MDN1: variants seen among roughly 807,000 people sequenced by gnomAD.
MDN1 encodes the protein midasin.
Under a neutral mutation model 669.2 loss-of-function variants are expected in MDN1, and 266 were observed. The ratio of observed to expected loss-of-function variants is 0.40; its 90% CI spans 0.36 to 0.44. The LOEUF (loss-of-function observed/expected upper bound fraction) is 0.44. Ranked by LOEUF, MDN1 falls within the 20% of genes least tolerant of loss-of-function variation. The pLI, the probability that MDN1 is intolerant of heterozygous loss-of-function variation, is 1.00. For synonymous variants in MDN1, 2,385 were observed against 2,457.1 expected (o/e 0.97, Z 0.87); for missense variants, 5,940 against 6,754.0 (o/e 0.88, Z 4.22).
rs754384962 is a variant in MDN1 at position 89,674,573 on chromosome 6, C to T, written c.12778G>A (p.Val4260Met). The T allele has an allele frequency of 9.5e-6, 15 of 1,578,750 alleles. No homozygotes were observed. Among genetic ancestry groups the T allele is most frequent in the African/African-American group, 2.7e-5 (2 of 74,404 alleles). Residue 4260 changes from valine (V) to methionine (M), a missense_variant, in exon 79 of 102, where the codon GTG becomes ATG. Transcript: ENST00000369393. ...WIILRNLLSCVQEIHSRLMGP... is the reference protein window; with the variant it reads ...WIILRNLLSCMQEIHSRLMGP... ...ATCAGCCTGCTGTGAATCTCTTGCACACAGCTGAGGAGGTTCCTGTACAGA... is the reference window on the plus strand; with the variant it reads ...ATCAGCCTGCTGTGAATCTCTTGCATACAGCTGAGGAGGTTCCTGTACAGA...
intron 53 of MDN1, among the ~76,000 whole-genome samples, chr6:89,705,562 A>G (rs1326216851): frequency 6.6e-6 from 1 of 152,228 alleles, no homozygotes; most frequent in Non-Finnish European, 1.5e-5. Context: ...ACTCAGCAAT[A>G]AAGAGGAATG....
At chr6:89,670,619 A>G (rs565665786) in intron 83 of MDN1, among the ~76,000 whole-genome samples, 265 of 152,240 alleles carry the variant, frequency 1.7e-3, no homozygotes, top group African/African-American at 5.9e-3. Context: ...GGGGATGGGA[A>G]GGGAAGGGTG....
Position 89,745,480 on chromosome 6 carries a change from T to C in MDN1, c.4039+12A>G, listed in dbSNP as rs367774412. 1.9e-5 allele frequency: 31 copies of C among 1,613,984 alleles called. No homozygotes were observed. Among genetic ancestry groups the C allele is most frequent in the Middle Eastern group, 1.6e-4 (1 of 6,084 alleles). Reference sequence around the variant, plus strand: ...TCAAATCATATTCCTCTAGGGATTTTGGCCTACTCACCCAGCAATTTTAGA... The same window carrying C: ...TCAAATCATATTCCTCTAGGGATTTCGGCCTACTCACCCAGCAATTTTAGA... On this transcript the variant is annotated intron_variant, in intron 28 of 101. Transcript: ENST00000369393.
At chr6:89,783,447 T>C (rs1818788683) in intron 9 of MDN1, among the ~76,000 whole-genome samples, 1 of 152,180 alleles carries the variant, frequency 6.6e-6, no homozygotes, top group Admixed American at 6.5e-5. Flanking sequence ...AAGATGTTTA[T>C]CAAGACAATA....
intron 97 of MDN1, 79 bp downstream of exon 97, chr6:89,649,945 T>G: frequency 6.9e-7 from 1 of 1,445,014 alleles, no homozygotes. Flanking sequence ...CATATCATAT[T>G]TAAAGCATTT....
chr6:89,760,259 G>T (rs1031921268), intron 17 of MDN1, among the ~76,000 whole-genome samples: 3 of 152,058 alleles, frequency 2.0e-5, no homozygotes, highest in Non-Finnish European at 4.4e-5. Flanking sequence ...TAACCAAGTT[G>T]ATCCTTCCTA....
In MDN1 at chr6:89,745,444, A is replaced by C. The variant is rs372305483; in HGVS notation, c.4040-33T>G. 16 of 1,613,912 alleles carry C rather than the reference A, an allele frequency of 9.9e-6. No individual in the cohort carries two copies. In the African/African-American group the frequency reaches 2.0e-4, roughly 20 times the overall value. The stretch of plus-strand genomic sequence containing the variant: ...AGGAAAAATAAATATTTAGATTCTA[A>C]TGAGTACAACTCAAATCATATTCCT... On this transcript the variant is annotated intron_variant, in intron 28 of 101. Coordinates refer to ENST00000369393, the MANE Select transcript of MDN1 (RefSeq NM_014611.3).
intron 14 of MDN1, 72 bp downstream of exon 14, chr6:89,772,501 T>A (rs147073865): frequency 6.5e-7 from 1 of 1,548,190 alleles, no homozygotes; most frequent in East Asian, 2.3e-5. Context: ...TTGGATTTAG[T>A]ATTTTTAAAA....
chr6:89,794,545 T>C lies in MDN1; in HGVS notation c.554+32A>G, dbSNP rs543262961. ...CACATGCCCTGTACCATCCCCACAC[T>C]AGAAGTGCAAAAAAGTCTAACAGCT... is the stretch of plus-strand genomic sequence containing the variant. On this transcript the variant is annotated intron_variant, in intron 3 of 101. Transcript: ENST00000369393. 109 of 1,594,738 alleles carry C rather than the reference T, an allele frequency of 6.8e-5. 2 individuals carry two copies. In the South Asian group the frequency reaches 1.1e-3, roughly 16 times the overall value.
chr6:89,648,813 CAA>C (rs61330666), intron 97 of MDN1, among the ~76,000 whole-genome samples: 7 of 122,110 alleles, frequency 5.7e-5, no homozygotes, highest in Non-Finnish European at 6.7e-5. Flanking sequence ...ACCCTGTCTT[CAA>C]AAAAAAAAAA....
intron 32 of MDN1, 120 bp downstream of exon 32, chr6:89,740,107 TTTTACAC>T: frequency 9.3e-7 from 1 of 1,075,954 alleles, no homozygotes; most frequent in Non-Finnish European, 1.3e-6. Context: ...ATTTTTGAGT[TTTTACAC>T]TTTTTACCCA....
chr6:89,783,287 G>A (rs1377965060), intron 9 of MDN1, among the ~76,000 whole-genome samples: 1 of 152,058 alleles, frequency 6.6e-6, no homozygotes, highest in Non-Finnish European at 1.5e-5. Context: ...CGGGGGGGAG[G>A]TCTATAAATG....
Position 89,692,759 on chromosome 6 carries a change from C to T in MDN1, c.10271G>A (p.Ser3424Asn), listed in dbSNP as rs929643154. 2 of 1,613,978 alleles carry T rather than the reference C, an allele frequency of 1.2e-6. No homozygotes were observed. The highest frequency in any genetic ancestry group is 1.7e-6 in the Non-Finnish European group (2 of 1,179,890). Residue 3424 changes from serine to asparagine, a missense_variant, in exon 63 of 102, where the codon AGC becomes AAC. Physicochemically the swap from Ser to Asn is conservative, Grantham distance 46 (BLOSUM62 1). Coordinates refer to ENST00000369393, the MANE Select transcript of MDN1 (RefSeq NM_014611.3). ...VASELHTSLH[S>N]SMVGADRLGT... ...CAGCCTGTCTGCACCAACCATACTG[C>T]TGTGGAGTGAGGTGTGGAGCTCAGA...
In MDN1 at chr6:89,747,748, G is replaced by A. The variant is rs1032898402; in HGVS notation, c.3763-278C>T. 1.9e-4 allele frequency among the ~76,000 whole-genome samples: 28 copies of A among 149,668 alleles called. No individual in the cohort carries two copies. In the South Asian group the frequency reaches 4.9e-3, roughly 26 times the overall value. Reference sequence around the variant, plus strand: ...CTACTAAAAATACAAAAAATTAGCCGGGCGTGGTGGCGGGTGCCTGTAGTC... The same window carrying A: ...CTACTAAAAATACAAAAAATTAGCCAGGCGTGGTGGCGGGTGCCTGTAGTC... On this transcript the variant is annotated intron_variant, in intron 26 of 101. Coordinates refer to ENST00000369393, the MANE Select transcript of MDN1 (RefSeq NM_014611.3).
intron 30 of MDN1, 99 bp from the exon 31 acceptor site, chr6:89,743,379 G>A (rs1437836736): frequency 6.7e-7 from 1 of 1,484,248 alleles, no homozygotes; most frequent in East Asian, 2.3e-5. Flanking sequence ...TAGGCATTCT[G>A]AGGAAAGTAA....
intron 31 of MDN1, among the ~76,000 whole-genome samples, chr6:89,741,839 G>A (rs1015479674): frequency 2.0e-5 from 3 of 151,908 alleles, no homozygotes; most frequent in Non-Finnish European, 4.4e-5. Flanking sequence ...AGTGGCTCAC[G>A]CCTGTAATCC....
At chr6:89,710,197 G>C (rs1372357385) in intron 50 of MDN1, among the ~76,000 whole-genome samples, 2 of 152,174 alleles carry the variant, frequency 1.3e-5, no homozygotes, top group African/African-American at 4.8e-5. Flanking sequence ...AGGCACCTCA[G>C]AGAAATAAGA....
chr6:89,680,600 T>A lies in MDN1; in HGVS notation c.12254A>T (p.Asp4085Val). ...SPLPRLVEGL[D>V]QFTGEVISSV... ...ATGCTGGCACCCACCTGTGAACTGA[T>A]CAAGGCCCTCCACAAGGCGAGGCAG... Residue 4085 changes from aspartate (D) to valine (V), a missense_variant, in exon 74 of 102, where the codon GAT becomes GTT. This residue lies in a region of MDN1 where 2,280 missense variants were observed against 2,576.3 expected (regional missense o/e 0.88). Coordinates refer to ENST00000369393, the MANE Select transcript of MDN1 (RefSeq NM_014611.3). 3 of 1,614,130 alleles carry A rather than the reference T, an allele frequency of 1.9e-6. No homozygotes were observed. The highest frequency in any genetic ancestry group is 2.5e-6 in the Non-Finnish European group (3 of 1,180,012).
intron 15 of MDN1, among the ~76,000 whole-genome samples, chr6:89,767,982 C>A (rs1817885164): frequency 6.6e-6 from 1 of 150,936 alleles, no homozygotes; most frequent in Admixed American, 6.6e-5. Flanking sequence ...GTCAAGGCTG[C>A]AATAAGCCCT....
Sources: gnomAD v4.1 joint callset for allele counts (sites outside exome capture counted in the v4.1 genomes callset) on GRCh38, gnomAD v4.1.1 for gene constraint, gnomAD v4.1.1 regional missense constraint, MANE v1.5 for transcripts, NCBI Gene and HGNC (gene_info 2026-07-23, HGNC 2026-07-21) for gene names.